Variants in DOK7 observed in about 807,000 individuals in gnomAD.
DOK7 encodes docking protein 7.
Under a neutral mutation model 30.7 loss-of-function variants are expected in DOK7, and 32 were observed. The ratio of observed to expected loss-of-function variants is 1.04; its 90% CI spans 0.79 to 1.40. DOK7 has a LOEUF of 1.40. DOK7 is among the 40% of genes most tolerant of loss of function. The probability of loss-of-function intolerance (pLI) is 0.00; values close to 1 mark genes in which losing one functional copy is unlikely to be tolerated. For synonymous variants in DOK7, 447 were observed against 324.1 expected (o/e 1.38, Z -4.07); for missense variants, 1,007 against 699.2 (o/e 1.44, Z -4.97).
chr4:3,497,029 T>C (rs1206932530), downstream of DOK7, among the ~76,000 whole-genome samples: 3 of 140,896 alleles, frequency 2.1e-5, no homozygotes, highest in Non-Finnish European at 3.1e-5. Flanking sequence ...TGGCTGACAG[T>C]GGATGTTGGG....
downstream of DOK7, among the ~76,000 whole-genome samples, chr4:3,499,422 A>C (rs570365242): frequency 5.3e-4 from 81 of 152,212 alleles, 1 homozygote; most frequent in Middle Eastern, 3.4e-3. Context: ...GAATGGGAGG[A>C]GGCACTGGAG....
intron 6 of DOK7, 130 bp from the exon 7 acceptor site, chr4:3,492,629 G>A: frequency 2.3e-6 from 3 of 1,314,292 alleles, no homozygotes; most frequent in South Asian, 1.3e-5. Context: ...GTAGGCCCCG[G>A]GGCTTGGGGG....
intron 2 of DOK7, among the ~76,000 whole-genome samples, chr4:3,467,942 C>T (rs752380552): frequency 6.6e-5 from 10 of 152,196 alleles, no homozygotes; most frequent in Non-Finnish European, 1.3e-4. Flanking sequence ...ATTCTTGAGG[C>T]TCCACCCTGA....
In DOK7 at chr4:3,476,327, C is replaced by A; in HGVS notation, c.332-15C>A. On this transcript the variant is annotated splice_polypyrimidine_tract_variant and intron_variant, in intron 3 of 6. Transcript: ENST00000340083. ...CTGCCCGCCCGTGATGCCCTCTTGC[C>A]CCGCCTGCCCGCAGTGCATAGGTTC... 1.9e-6 allele frequency: 3 copies of A among 1,607,886 alleles called. 1 individual carries two copies. Among genetic ancestry groups the A allele is most frequent in the Non-Finnish European group, 1.7e-6 (2 of 1,178,526 alleles).
chr4:3,495,758 T>C (rs1393961467), downstream of DOK7, among the ~76,000 whole-genome samples: 2 of 152,020 alleles, frequency 1.3e-5, no homozygotes, highest in Non-Finnish European at 2.9e-5. Context: ...CTTCGCTGGT[T>C]CGGGCTCTGC....
At chr4:3,485,835 G>A (rs1469905727) in intron 5 of DOK7, among the ~76,000 whole-genome samples, 177 bp downstream of exon 5, 2 of 152,262 alleles carry the variant, frequency 1.3e-5, no homozygotes, top group Non-Finnish European at 2.9e-5. Context: ...TGCAAGCCCT[G>A]CTGAGGGATT....
chr4:3,465,554 C>T (rs777754343), intron 2 of DOK7, among the ~76,000 whole-genome samples: 8 of 152,222 alleles, frequency 5.3e-5, no homozygotes, highest in African/African-American at 1.9e-4. Flanking sequence ...GGAAGGGCCC[C>T]GATGTGCACC....
intron 6 of DOK7, among the ~76,000 whole-genome samples, chr4:3,491,877 G>A (rs993081848): frequency 2.0e-5 from 3 of 152,212 alleles, no homozygotes; most frequent in Non-Finnish European, 2.9e-5. Context: ...GTGGCTGCAT[G>A]GGTGACCTGT....
At chr4:3,500,431 T>C in intron 7 of DOK7, 1 of 1,534,144 alleles carries the variant, frequency 6.5e-7, no homozygotes, top group Non-Finnish European at 8.7e-7. Flanking sequence ...GTGGAGGCAC[T>C]GACAATTGGG....
chr4:3,468,654 ATGAG>A (rs200546013), intron 2 of DOK7, among the ~76,000 whole-genome samples: 19,593 of 135,356 alleles, frequency 0.14, 1,339 homozygotes, highest in Middle Eastern at 0.24. Context: ...GTGTGCATGT[ATGAG>A]TGTGTGTGCC....
intron 2 of DOK7, among the ~76,000 whole-genome samples, chr4:3,468,497 C>G (rs1040376033): frequency 5.4e-5 from 6 of 110,848 alleles, no homozygotes; most frequent in African/African-American, 2.5e-4. Flanking sequence ...TATGAGTGTG[C>G]ATGTGCGTGT....
chr4:3,466,206 G>GC (rs1348882062), intron 2 of DOK7, among the ~76,000 whole-genome samples: 5 of 152,294 alleles, frequency 3.3e-5, no homozygotes, highest in East Asian at 3.9e-4. Context: ...CCCAAACCTT[G>GC]CCCCCCACAG....
At chr4:3,495,793 C>CT (rs200656762), downstream of DOK7, among the ~76,000 whole-genome samples, 2 of 152,134 alleles carry the variant, frequency 1.3e-5, no homozygotes, top group African/African-American at 2.4e-5. Context: ...CCCGCCTGCC[C>CT]CCACCGGGAG....
At chr4:3,466,625 C>G in intron 2 of DOK7, among the ~76,000 whole-genome samples, 1 of 152,242 alleles carries the variant, frequency 6.6e-6, no homozygotes, top group East Asian at 1.9e-4. Context: ...GACCTTCCCT[C>G]AGCCCCCGCG....
intron 7 of DOK7, chr4:3,500,519 C>A: frequency 6.8e-7 from 1 of 1,479,168 alleles, no homozygotes; most frequent in Non-Finnish European, 9.0e-7. Flanking sequence ...TTCCTACAGC[C>A]TCCCCCCAGG....
At chr4:3,470,089 C>T (rs1456585791) in intron 2 of DOK7, among the ~76,000 whole-genome samples, 3 of 152,192 alleles carry the variant, frequency 2.0e-5, no homozygotes, top group Non-Finnish European at 2.9e-5. Context: ...CGTAGGGCCA[C>T]GCTCCCTCCA....
intron 6 of DOK7, among the ~76,000 whole-genome samples, chr4:3,492,149 G>C (rs913018880): frequency 3.0e-4 from 45 of 152,324 alleles, no homozygotes; most frequent in African/African-American, 1.1e-3. Flanking sequence ...CACGGGAGGG[G>C]CCTGGCCTGG....
chr4:3,464,024 G>A (rs1461999917), intron 2 of DOK7, among the ~76,000 whole-genome samples: 1 of 150,798 alleles, frequency 6.6e-6, no homozygotes, highest in Non-Finnish European at 1.5e-5. Context: ...ACATTGCTGG[G>A]GGAACAGTCC....
downstream of DOK7, among the ~76,000 whole-genome samples, chr4:3,497,165 G>C (rs148351034): frequency 1.3e-5 from 2 of 152,150 alleles, no homozygotes; most frequent in East Asian, 3.9e-4. Flanking sequence ...AGGATGGACT[G>C]AAGGTTGGGA....
Sources: allele counts gnomAD v4.1 joint callset (sites outside exome capture counted in the v4.1 genomes callset), GRCh38; gene constraint gnomAD v4.1.1; transcripts MANE v1.5; gene names NCBI Gene and HGNC (gene_info 2026-07-23, HGNC 2026-07-21).